FER: variants seen among roughly 807,000 people sequenced by gnomAD.
FER encodes tyrosine-protein kinase Fer.
FER carries 63 observed loss-of-function variants against 111.0 expected under a neutral mutation model. That is an observed-to-expected ratio of 0.57 (90% confidence interval 0.46 to 0.70). FER has a LOEUF of 0.70. Ranked by LOEUF, FER falls within the 30% of genes least tolerant of loss-of-function variation. The probability of loss-of-function intolerance (pLI) is 0.00; values close to 1 mark genes in which losing one functional copy is unlikely to be tolerated. For missense variants in FER, 914 were observed against 954.0 expected (o/e 0.96, Z 0.55); for synonymous variants, 327 against 313.9 (o/e 1.04, Z -0.44).
intron 16 of FER, among the ~76,000 whole-genome samples, chr5:109,096,023 G>C (rs1428565564): frequency 1.3e-5 from 2 of 151,972 alleles, no homozygotes; most frequent in African/African-American, 4.8e-5. Context: ...GTCATTAGTG[G>C]CATTGCCCTG....
chr5:108,974,155 G>A (rs1761029208), intron 13 of FER, among the ~76,000 whole-genome samples: 2 of 152,122 alleles, frequency 1.3e-5, no homozygotes, highest in South Asian at 4.1e-4. Flanking sequence ...TAGGTACTGA[G>A]GATACAGTGA....
chr5:108,808,745 G>A (rs1279496553), intron 3 of FER, among the ~76,000 whole-genome samples: 1 of 152,052 alleles, frequency 6.6e-6, no homozygotes, highest in Non-Finnish European at 1.5e-5. Flanking sequence ...TTGTTTCCTT[G>A]TTTAGAACTC....
chr5:108,983,149 C>T (rs1174489828), intron 13 of FER, among the ~76,000 whole-genome samples: 1 of 151,902 alleles, frequency 6.6e-6, no homozygotes, highest in African/African-American at 2.4e-5. Flanking sequence ...GATGCTATGA[C>T]AATATGGAAA....
intron 17 of FER, among the ~76,000 whole-genome samples, chr5:109,139,621 A>T (rs1177631258): frequency 6.6e-6 from 1 of 151,956 alleles, no homozygotes; most frequent in African/African-American, 2.4e-5. Context: ...GCCCATTAAG[A>T]TTTAGAGGTT....
Position 109,189,549 on chromosome 5 carries a change from T to A in FER, c.*1974T>A, listed in dbSNP as rs1759223496. 6.6e-6 allele frequency: 1 copy of A among 152,212 alleles called. No homozygotes were observed. The highest frequency in any genetic ancestry group is 2.4e-5 in the African/African-American group (1 of 41,454). The allele number at this position is 152,212 out of a possible 1,614,324, so 9.4% of individuals were successfully genotyped here. Reference sequence around the variant, plus strand: ...CATTCAGACTAAAGGGAAATTTCTTTTGATGGCACGTACTATGGTAAATCA... The same window carrying A: ...CATTCAGACTAAAGGGAAATTTCTTATGATGGCACGTACTATGGTAAATCA... On this transcript the variant is annotated 3_prime_UTR_variant, in exon 20 of 20. Coordinates refer to ENST00000281092, the MANE Select transcript of FER (RefSeq NM_005246.4).
intron 2 of FER, among the ~76,000 whole-genome samples, chr5:108,788,165 G>A (rs892244136): frequency 1.3e-5 from 2 of 152,134 alleles, no homozygotes; most frequent in African/African-American, 2.4e-5. Context: ...TGGTGCCATC[G>A]TTTTCCCCCT....
chr5:109,005,849 G>C (rs1765430713), intron 13 of FER, among the ~76,000 whole-genome samples: 1 of 152,184 alleles, frequency 6.6e-6, no homozygotes, highest in African/African-American at 2.4e-5. Context: ...ACTGTTGTAA[G>C]AATGAATGAA....
chr5:108,879,701 A>AATATAT (rs1554084618), intron 8 of FER, among the ~76,000 whole-genome samples: 47 of 99,100 alleles, frequency 4.7e-4, no homozygotes, highest in South Asian at 3.1e-3. Flanking sequence ...ATTAAAAAAA[A>AATATAT]ATATATATAT....
chr5:109,100,326 G>A, intron 16 of FER, 70 bp from the exon 17 acceptor site: 6 of 1,571,038 alleles, frequency 3.8e-6, no homozygotes, highest in Non-Finnish European at 5.2e-6. Flanking sequence ...ATTCCTAATA[G>A]ATCCAAATAG....
Position 109,180,836 on chromosome 5 carries a change from T to C in FER, c.2138T>C (p.Val713Ala). The C allele has an allele frequency of 6.2e-7, 1 of 1,613,392 alleles. No individual in the cohort carries two copies. The highest frequency in any genetic ancestry group is 8.5e-7 in the Non-Finnish European group (1 of 1,179,654). The stretch of plus-strand genomic sequence containing the variant: ...ATGTCTCGTCAAGAGGATGGTGGAG[T>C]GTATTCATCTTCTGGCTTAAAGCAG... ...FGMSRQEDGG[V>A]YSSSGLKQIP... The change falls in exon 18 of 20, where the codon GTG becomes GCG. Residue 713 changes from valine (V) to alanine (A), a missense_variant. Transcript: ENST00000281092.
rs1355846950 is a variant in FER at position 109,196,695 on chromosome 5, T to C, written c.*9120T>C. 1 of 152,230 alleles carries C rather than the reference T, an allele frequency of 6.6e-6. No individual in the cohort carries two copies. The highest frequency in any genetic ancestry group is 2.4e-5 in the African/African-American group (1 of 41,454). The allele number at this position is 152,230 out of a possible 1,614,324, so 9.4% of individuals were successfully genotyped here. On this transcript the variant is annotated 3_prime_UTR_variant, in exon 20 of 20. Coordinates refer to ENST00000281092, the MANE Select transcript of FER (RefSeq NM_005246.4). ...TTGTAGGATATTTTTTAATTGTTTCTACATTTTTAAAGCATGATTCATCAT... is the reference window on the plus strand; with the variant it reads ...TTGTAGGATATTTTTTAATTGTTTCCACATTTTTAAAGCATGATTCATCAT...
rs569137021 is a variant in FER at position 108,797,111 on chromosome 5, T to C, written c.-59-1013T>C. Among the ~76,000 whole-genome samples the C allele has an allele frequency of 7.3e-4, 111 of 152,126 alleles. 1 individual carries two copies. The highest frequency in any genetic ancestry group is 3.4e-3 in the Middle Eastern group (1 of 294). On this transcript the variant is annotated intron_variant, in intron 2 of 19. Transcript: ENST00000281092. ...GATGAAGCCTGCCGGGACTGGGTCC[T>C]CCCTTTCAAGGCAGCGGGGTTTTTT...
At chr5:108,794,410 G>C (rs1468252339) in intron 2 of FER, among the ~76,000 whole-genome samples, 1 of 151,674 alleles carries the variant, frequency 6.6e-6, no homozygotes, top group Non-Finnish European at 1.5e-5. Flanking sequence ...GTAGAGACAG[G>C]GTTTCACCAT....
At chr5:108,868,598 A>C (rs182102565) in intron 6 of FER, among the ~76,000 whole-genome samples, 46 of 152,172 alleles carry the variant, frequency 3.0e-4, no homozygotes, top group Admixed American at 7.9e-4. Context: ...GACTAAATTC[A>C]ATTTTCTTTC....
At chr5:109,150,025 G>A (rs1055801451) in intron 17 of FER, among the ~76,000 whole-genome samples, 2 of 152,066 alleles carry the variant, frequency 1.3e-5, no homozygotes. Context: ...CACTCCTTAC[G>A]AAAATCTAAT....
intron 16 of FER, among the ~76,000 whole-genome samples, chr5:109,080,493 T>G (rs548083109): frequency 6.6e-6 from 1 of 152,268 alleles, no homozygotes; most frequent in Non-Finnish European, 1.5e-5. Context: ...CCATTTTGAT[T>G]TTCAGGTATC....
rs115462698 is a variant in FER, at chr5:109,183,228, T to G, written c.2203+2327T>G. ...TCCCACAGACTACAGTTACTGAAGATTGACTCTAAATCCTAGCGTGTTTTT... is the reference window on the plus strand; with the variant it reads ...TCCCACAGACTACAGTTACTGAAGAGTGACTCTAAATCCTAGCGTGTTTTT... On this transcript the variant is annotated intron_variant, in intron 18 of 19. Transcript: ENST00000281092. Among the ~76,000 whole-genome samples, 744 of 150,294 alleles carry G rather than the reference T, an allele frequency of 5.0e-3. 4 individuals carry two copies. Among genetic ancestry groups the G allele is most frequent in the African/African-American group, 0.017 (712 of 40,912 alleles).
chr5:108,950,423 G>A (rs1433524227), intron 11 of FER, among the ~76,000 whole-genome samples: 1 of 152,108 alleles, frequency 6.6e-6, no homozygotes, highest in Non-Finnish European at 1.5e-5. Flanking sequence ...TAAATATTAG[G>A]TGAAGTATTT....
chr5:108,819,542 G>A (rs1210030556), intron 3 of FER, among the ~76,000 whole-genome samples: 8 of 152,132 alleles, frequency 5.3e-5, no homozygotes, highest in Admixed American at 3.9e-4. Context: ...TTTCTTCATA[G>A]TGTTGATAAA....
Sources: gnomAD v4.1 joint callset for allele counts (sites outside exome capture counted in the v4.1 genomes callset) on GRCh38, gnomAD v4.1.1 for gene constraint, MANE v1.5 for transcripts, NCBI Gene and HGNC (gene_info 2026-07-23, HGNC 2026-07-21) for gene names.